The following ELF2 variants were observed in gnomAD, a reference collection of about 807,000 sequenced individuals.
ELF2 encodes the protein ETS-related transcription factor Elf-2.
In ELF2, 11 loss-of-function variants were observed where a neutral mutation model predicts 54.8. The ratio of observed to expected loss-of-function variants is 0.20; its 90% confidence interval spans 0.13 to 0.33. ELF2 has a LOEUF of 0.33. Ranked by LOEUF, ELF2 falls within the 10% of genes least tolerant of loss-of-function variation. ELF2 has a pLI of 1.00. For synonymous variants in ELF2, 203 were observed against 245.1 expected, an observed-to-expected ratio of 0.83 and a Z score of 1.61; for missense variants, 513 against 703.0, an observed-to-expected ratio of 0.73 and a Z score of 3.06.
At chr4:139,105,282 T>C (rs1734306598) in intron 4 of ELF2, among the ~76,000 whole-genome samples, 2 of 152,278 alleles carry the variant, frequency 1.3e-5, no homozygotes, top group South Asian at 2.1e-4. Context: ...AACTTACATG[T>C]TTTGTCCACT....
chr4:139,129,894 ACT>A (rs747058144), intron 3 of ELF2, among the ~76,000 whole-genome samples: 26 of 152,242 alleles, frequency 1.7e-4, no homozygotes, highest in Non-Finnish European at 3.2e-4. Flanking sequence ...TGGCTTTAAC[ACT>A]CTGAAATATA....
At chr4:139,074,118 ACT>A (rs773339577) in intron 4 of ELF2, among the ~76,000 whole-genome samples, 70 of 152,138 alleles carry the variant, frequency 4.6e-4, no homozygotes, top group Non-Finnish European at 7.2e-4. Context: ...ACAGAGTGAG[ACT>A]CTGTCTCAAA....
chr4:139,134,169 T>C (rs1488362802), intron 3 of ELF2, among the ~76,000 whole-genome samples: 3 of 152,180 alleles, frequency 2.0e-5, no homozygotes, highest in African/African-American at 7.2e-5. Context: ...GTATAATGAA[T>C]AGGTGTTAAT....
In ELF2 at chr4:139,078,434, T is replaced by C. The variant is rs1035598694; in HGVS notation, c.239-4867A>G. ...CAAAGCTATACCAGTAATAGGTAAA[T>C]GAAGAATACAAATGAAGGCAATAAA... On this transcript the variant is annotated intron_variant, in intron 4 of 9. Transcript: ENST00000686138. 2.0e-5 allele frequency among the ~76,000 whole-genome samples: 3 copies of C among 152,010 alleles called. No individual in the cohort carries two copies. The East Asian group carries it at 5.8e-4, about 29-fold the overall frequency.
intron 4 of ELF2, among the ~76,000 whole-genome samples, chr4:139,118,689 T>C (rs1171520564): frequency 6.6e-6 from 1 of 152,086 alleles, no homozygotes; most frequent in Non-Finnish European, 1.5e-5. Flanking sequence ...CATTTGTTTT[T>C]TTTTTTTTAA....
At chr4:139,117,646 C>T (rs1031487378) in intron 4 of ELF2, among the ~76,000 whole-genome samples, 6 of 151,856 alleles carry the variant, frequency 4.0e-5, no homozygotes, top group Admixed American at 3.9e-4. Flanking sequence ...AGTGCCACTG[C>T]ACTCTAGCCT....
chr4:139,161,652 T>TA (rs57452146), intron 1 of ELF2, among the ~76,000 whole-genome samples: 27,129 of 69,918 alleles, frequency 0.39, 5,927 homozygotes, highest in Non-Finnish European at 0.45. Flanking sequence ...TAAAACTGTT[T>TA]AAAAAAAAAA....
intron 1 of ELF2, among the ~76,000 whole-genome samples, chr4:139,143,676 T>G (rs770854379): frequency 1.3e-5 from 2 of 151,968 alleles, no homozygotes; most frequent in Non-Finnish European, 2.9e-5. Context: ...TCCCAGTTAC[T>G]CGGGAGGCTG....
chr4:139,066,191 T>C (rs777546317), intron 7 of ELF2: 1 of 152,048 alleles, frequency 6.6e-6, no homozygotes. Context: ...TATCCAACTA[T>C]TGAATATTGG....
intron 4 of ELF2, among the ~76,000 whole-genome samples, chr4:139,108,628 T>C (rs1399590734): frequency 6.6e-6 from 1 of 152,020 alleles, no homozygotes; most frequent in African/African-American, 2.4e-5. Flanking sequence ...TTCTGTGCTT[T>C]CTAAAAATGC....
At chr4:139,161,652 T>TAAAA (rs57452146) in intron 1 of ELF2, among the ~76,000 whole-genome samples, 784 of 70,008 alleles carry the variant, frequency 0.011, 17 homozygotes, top group East Asian at 0.019. Context: ...TAAAACTGTT[T>TAAAA]AAAAAAAAAA....
At chr4:139,176,680 G>A (rs567157483) in intron 1 of ELF2, among the ~76,000 whole-genome samples, 90 of 152,122 alleles carry the variant, frequency 5.9e-4, no homozygotes, top group African/African-American at 2.1e-3. Context: ...TCTTCCCTCA[G>A]CCCTGCCCCG....
At position 139,061,976 on chromosome 4, in the gene ELF2, T is replaced by A. The variant is rs1180676747; in HGVS notation, c.695A>T (p.Gln232Leu). The change falls in exon 8 of 10, where the codon CAG becomes CTG. Residue 232 changes from glutamine to leucine, a missense_variant. Transcript: ENST00000686138. ...NTCPRYIKWT[Q>L]REKGIFKLVD... is the part of the protein sequence containing the mutation. ...CAGCTTGAATATGCCTTTTTCTCTC[T>A]GAGTCCATTTAATATACCTGGGACA... 2 of 1,613,886 alleles carry A rather than the reference T, an allele frequency of 1.2e-6. No homozygotes were observed. The highest frequency in any genetic ancestry group is 2.7e-5 in the African/African-American group (2 of 74,906).
chr4:139,170,444 A>G (rs996103158), intron 1 of ELF2, among the ~76,000 whole-genome samples: 1 of 151,172 alleles, frequency 6.6e-6, no homozygotes, highest in African/African-American at 2.4e-5. Flanking sequence ...TTGTATTTTT[A>G]GTAGAGATGG....
chr4:139,089,056 C>T (rs574974859), intron 4 of ELF2, among the ~76,000 whole-genome samples: 2 of 152,314 alleles, frequency 1.3e-5, no homozygotes, highest in South Asian at 4.1e-4. Context: ...CGTGCCTGGC[C>T]AAGGACTTTC....
intron 1 of ELF2, among the ~76,000 whole-genome samples, chr4:139,140,353 G>A (rs1738585515): frequency 6.6e-6 from 1 of 152,104 alleles, no homozygotes; most frequent in Non-Finnish European, 1.5e-5. Flanking sequence ...GCACTTGATC[G>A]TAGGCCTTGT....
intron 4 of ELF2, chr4:139,084,269 G>A (rs1731653687): frequency 6.2e-7 from 1 of 1,604,870 alleles, no homozygotes; most frequent in Non-Finnish European, 8.5e-7. Flanking sequence ...GGCGGAACCC[G>A]CGGCCGGAGA....
chr4:139,084,932 T>C (rs1373182778), intron 4 of ELF2, among the ~76,000 whole-genome samples: 1 of 152,132 alleles, frequency 6.6e-6, no homozygotes, highest in African/African-American at 2.4e-5. Flanking sequence ...TTCGTCCTTT[T>C]CCCTTAACAG....
intron 3 of ELF2, among the ~76,000 whole-genome samples, chr4:139,132,076 G>C (rs535265830): frequency 3.3e-5 from 5 of 152,262 alleles, no homozygotes; most frequent in African/African-American, 1.2e-4. Context: ...AGAGAGGTGA[G>C]CAGACAAAAG....
Sources: allele counts gnomAD v4.1 joint callset (sites outside exome capture counted in the v4.1 genomes callset), GRCh38; gene constraint gnomAD v4.1.1; transcripts MANE v1.5; gene names NCBI Gene and HGNC (gene_info 2026-07-23, HGNC 2026-07-21).